BCAP31: variants seen among roughly 807,000 people sequenced by gnomAD.
The protein encoded by BCAP31 is B-cell receptor-associated protein 31.
For missense variants in BCAP31, 124 were observed against 193.0 expected, an observed-to-expected ratio of 0.64 and a Z score of 2.12; for synonymous variants, 75 against 80.9, an observed-to-expected ratio of 0.93 and a Z score of 0.39.
intron 4 of BCAP31, among the ~76,000 whole-genome samples, chrX:153,707,459 G>A (rs1557048491): frequency 9.0e-6 from 1 of 111,037 alleles, no homozygotes; most frequent in Non-Finnish European, 1.9e-5. Flanking sequence ...CCTGACAGGT[G>A]AGGGGACAGA....
intron 4 of BCAP31, among the ~76,000 whole-genome samples, chrX:153,708,217 G>A (rs1360444298): frequency 3.7e-4 from 42 of 112,473 alleles, no homozygotes; most frequent in African/African-American, 1.3e-3. Context: ...TTTATAAAAG[G>A]TTGAGTAAAC....
rs1399191576 is a variant in BCAP31 at position 153,700,889 on chromosome X, G to A, written c.*48C>T. The A allele has an allele frequency of 7.7e-6, 9 of 1,171,027 alleles. No homozygotes were observed. The highest frequency in any genetic ancestry group is 9.3e-6 in the Non-Finnish European group (8 of 864,108). On this transcript the variant is annotated 3_prime_UTR_variant, in exon 8 of 8. Transcript: ENST00000345046. ...AGGCCGGGCTCTCAGGAAGCAGCAG[G>A]CACGTGCCAGGTGGAAGCCAGCTGC...
chrX:153,709,108 C>CT (rs1375217610), intron 4 of BCAP31, among the ~76,000 whole-genome samples: 1 of 111,791 alleles, frequency 8.9e-6, no homozygotes, highest in Non-Finnish European at 1.9e-5. Context: ...TGCTGTGTAT[C>CT]TTTTTTAAAA....
Position 153,721,384 on chromosome X carries a change from C to A in BCAP31, c.93-412G>T, listed in dbSNP as rs782192830. On this transcript the variant is annotated intron_variant, in intron 2 of 7. Coordinates refer to ENST00000345046, the MANE Select transcript of BCAP31 (RefSeq NM_001256447.2). The stretch of plus-strand genomic sequence containing the variant: ...CTGGGAGGCGGAAGTTGCAGTGAGC[C>A]GAGATCGCGCCACTGCACTCCAGCC... 5.0e-5 allele frequency among the ~76,000 whole-genome samples: 5 copies of A among 100,045 alleles called. No individual in the cohort carries two copies. In the South Asian group the frequency reaches 2.0e-3, roughly 39 times the overall value. 86.9% of individuals were successfully genotyped at this position (100,045 alleles called of 115,157 possible). A position where few individuals can be genotyped will look rare whatever the true frequency, so the allele number is the denominator to read the frequency against.
At chrX:153,717,705 G>A in intron 3 of BCAP31, among the ~76,000 whole-genome samples, 1 of 112,585 alleles carries the variant, frequency 8.9e-6, no homozygotes, top group Non-Finnish European at 1.9e-5. Flanking sequence ...CGTGAGTCAG[G>A]GCACTGGCCT....
At chrX:153,723,730 CCCGCTACCAGGCAGGCCCAAGGCCG>C (rs1462946235) in intron 1 of BCAP31, 1 of 1,112,202 alleles carries the variant, frequency 9.0e-7, no homozygotes, top group Non-Finnish European at 1.2e-6. Context: ...GGCCCAAATC[CCCGCTACCAGGCAGGCCCAAGGCCG>C]CACCTAGTCC....
chrX:153,716,145 G>A (rs370683573), intron 3 of BCAP31, among the ~76,000 whole-genome samples: 1 of 99,795 alleles, frequency 1.0e-5, no homozygotes, highest in South Asian at 4.9e-4. Flanking sequence ...CAGACCGGGG[G>A]ACAAGAGCGA....
At position 153,723,257 on chromosome X, in the gene BCAP31, A is replaced by C; in HGVS notation, c.-13T>G. The C allele has an allele frequency of 1.7e-6, 2 of 1,207,541 alleles. No individual in the cohort carries two copies. Among genetic ancestry groups the C allele is most frequent in the Non-Finnish European group, 1.1e-6 (1 of 893,090 alleles). On this transcript the variant is annotated 5_prime_UTR_variant, in exon 2 of 8. Transcript: ENST00000345046. ...ACTGCAGACTCATCCTGTTGCTAGA[A>C]GGTTTCCCACAGGAAGATGTGAGCT...
At chrX:153,718,387 C>T (rs782337924) in intron 3 of BCAP31, among the ~76,000 whole-genome samples, 1 of 108,463 alleles carries the variant, frequency 9.2e-6, no homozygotes, top group Non-Finnish European at 1.9e-5. Flanking sequence ...AAAGTATTGG[C>T]TAGGCTCTGC....
chrX:153,703,930 C>A (rs142068033), intron 5 of BCAP31, 29 bp downstream of exon 5: 1 of 1,205,366 alleles, frequency 8.3e-7, no homozygotes, highest in African/African-American at 1.8e-5. Flanking sequence ...ACCAGGACGC[C>A]CCATGGTGGG....
At chrX:153,714,246 C>A (rs2091611862) in intron 4 of BCAP31, among the ~76,000 whole-genome samples, 1 of 104,021 alleles carries the variant, frequency 9.6e-6, no homozygotes, top group Admixed American at 1.1e-4. Context: ...TCCTCTCTTT[C>A]CCTCTCAATG....
At chrX:153,718,933 A>G (rs2091647141) in intron 3 of BCAP31, among the ~76,000 whole-genome samples, 1 of 111,694 alleles carries the variant, frequency 9.0e-6, no homozygotes. Context: ...CCACAGCTCT[A>G]GCTAGTTATG....
chrX:153,702,923 G>A lies in BCAP31; in HGVS notation c.601+12C>T, dbSNP rs1557047686. On this transcript the variant is annotated intron_variant, in intron 6 of 7. Transcript: ENST00000345046. ...ACTTCCCTGCGGGGAAGGACACGAG[G>A]TCGAGCCTCACTTTGCTTAGTGCTG... 3 of 1,207,785 alleles carry A rather than the reference G, an allele frequency of 2.5e-6. No individual in the cohort carries two copies. The African/African-American group carries it at 5.2e-5, about 21-fold the overall frequency.
intron 4 of BCAP31, among the ~76,000 whole-genome samples, chrX:153,714,065 C>T (rs1164273136): frequency 9.3e-6 from 1 of 107,516 alleles, no homozygotes; most frequent in Non-Finnish European, 1.9e-5. Flanking sequence ...TTAGTAGAGA[C>T]TGGGTGTCAC....
At chrX:153,723,566 C>T in intron 1 of BCAP31, 1 of 1,168,224 alleles carries the variant, frequency 8.6e-7, no homozygotes, top group Non-Finnish European at 1.1e-6. Context: ...ACGATCCCTG[C>T]CCCAGGAAGC....
intron 2 of BCAP31, 185 bp from the exon 3 acceptor site, chrX:153,721,157 C>T (rs2091662699): frequency 9.4e-6 from 4 of 423,648 alleles, no homozygotes; most frequent in Non-Finnish European, 1.6e-5. Context: ...GAAAAAAGGC[C>T]AGGTGCAATG....
intron 3 of BCAP31, among the ~76,000 whole-genome samples, chrX:153,716,604 A>T (rs12841973): frequency 1.9e-5 from 2 of 105,390 alleles, no homozygotes; most frequent in African/African-American, 3.6e-5. Context: ...AAAAAAAAAA[A>T]TTTTAAATAG....
At chrX:153,723,715 C>G in intron 1 of BCAP31, 1 of 1,134,379 alleles carries the variant, frequency 8.8e-7, no homozygotes, top group African/African-American at 1.8e-5. Context: ...GGCGGGCGCT[C>G]TGCGGGCCCA....
chrX:153,713,881 CTTTTTTT>C (rs1209475410), intron 4 of BCAP31, among the ~76,000 whole-genome samples: 19 of 63,497 alleles, frequency 3.0e-4, no homozygotes, highest in East Asian at 9.7e-4. Flanking sequence ...CGATACTATT[CTTTTTTT>C]TTTTTTTTTT....
Sources: gnomAD v4.1 joint callset for allele counts (sites outside exome capture counted in the v4.1 genomes callset) on GRCh38, gnomAD v4.1.1 for gene constraint, MANE v1.5 for transcripts, NCBI Gene and HGNC (gene_info 2026-07-23, HGNC 2026-07-21) for gene names.